Variants in CCSER1 observed in about 807,000 individuals in gnomAD.
CCSER1 encodes serine-rich coiled-coil domain-containing protein 1.
In CCSER1, 41 loss-of-function variants were observed where a neutral mutation model predicts 82.0. That is an observed-to-expected ratio of 0.50 (90% CI 0.39 to 0.65). CCSER1 has a LOEUF of 0.65. Among genes scored for constraint, CCSER1 ranks in the 30% least tolerant of loss-of-function variants. The pLI is 0.00. For missense variants in CCSER1, 1,119 were observed against 1,064.2 expected, an observed-to-expected ratio of 1.05 and a Z score of -0.72; for synonymous variants, 414 against 383.9, an observed-to-expected ratio of 1.08 and a Z score of -0.92.
intron 3 of CCSER1, among the ~76,000 whole-genome samples, chr4:90,349,288 G>T (rs777596571): frequency 6.6e-6 from 1 of 151,936 alleles, no homozygotes; most frequent in Non-Finnish European, 1.5e-5. Flanking sequence ...AGGTAAATAC[G>T]TGGCAAAATA....
intron 1 of CCSER1, among the ~76,000 whole-genome samples, chr4:90,168,684 T>G (rs1047718379): frequency 6.6e-6 from 1 of 152,058 alleles, no homozygotes; most frequent in Non-Finnish European, 1.5e-5. Flanking sequence ...AGTTTCAGCT[T>G]TCTACATATG....
intron 9 of CCSER1, among the ~76,000 whole-genome samples, chr4:90,999,888 T>C (rs1737845857): frequency 6.6e-6 from 1 of 151,424 alleles, no homozygotes; most frequent in South Asian, 2.1e-4. Context: ...GGTTTTTTTT[T>C]TTTTTTTCCC....
intron 10 of CCSER1, among the ~76,000 whole-genome samples, chr4:91,586,013 T>C (rs1421711109): frequency 6.6e-6 from 1 of 151,628 alleles, no homozygotes. Context: ...AAGATAATGG[T>C]GTTGAACTAG....
chr4:90,980,644 TA>T (rs1437264038), intron 9 of CCSER1, among the ~76,000 whole-genome samples: 1 of 151,638 alleles, frequency 6.6e-6, no homozygotes, highest in Admixed American at 6.6e-5. Flanking sequence ...GATTTGCTCT[TA>T]TTTTGTAATG....
At chr4:90,263,098 A>G (rs796827866) in intron 1 of CCSER1, among the ~76,000 whole-genome samples, 17 of 152,288 alleles carry the variant, frequency 1.1e-4, no homozygotes, top group African/African-American at 4.1e-4. Flanking sequence ...CACTGAGCCC[A>G]GTGCTGCAAT....
chr4:90,331,641 G>T (rs1739304373), intron 3 of CCSER1, among the ~76,000 whole-genome samples: 2 of 152,110 alleles, frequency 1.3e-5, no homozygotes, highest in South Asian at 4.1e-4. Context: ...CAATCAAATG[G>T]TGAACAGCCC....
At chr4:90,188,773 G>T (rs1735093793) in intron 1 of CCSER1, among the ~76,000 whole-genome samples, 1 of 151,812 alleles carries the variant, frequency 6.6e-6, no homozygotes, top group Non-Finnish European at 1.5e-5. Flanking sequence ...AAATAAATAT[G>T]AACATTTTCA....
chr4:90,840,007 A>C (rs976618935), intron 8 of CCSER1, among the ~76,000 whole-genome samples: 1 of 151,944 alleles, frequency 6.6e-6, no homozygotes, highest in Non-Finnish European at 1.5e-5. Flanking sequence ...TAATTATATA[A>C]ATATAATCAA....
At chr4:90,826,477 T>C (rs994903151) in intron 8 of CCSER1, among the ~76,000 whole-genome samples, 19 of 152,326 alleles carry the variant, frequency 1.2e-4, no homozygotes, top group African/African-American at 4.3e-4. Context: ...TAGGCTTACA[T>C]AATTTTAATA....
At chr4:91,111,044 G>GTATT (rs10667480) in intron 10 of CCSER1, among the ~76,000 whole-genome samples, 15,120 of 151,888 alleles carry the variant, frequency 0.1, 970 homozygotes, top group East Asian at 0.27. Context: ...AGAAAAATAA[G>GTATT]TATATAGCCT....
chr4:90,508,484 C>T (rs1002729868), intron 5 of CCSER1, among the ~76,000 whole-genome samples: 3 of 151,978 alleles, frequency 2.0e-5, no homozygotes, highest in African/African-American at 7.2e-5. Flanking sequence ...TTAAATTTTT[C>T]TCTACATAGG....
chr4:90,815,916 A>T, intron 8 of CCSER1, 71 bp downstream of exon 8: 1 of 908,992 alleles, frequency 1.1e-6, no homozygotes, highest in South Asian at 1.6e-5. Flanking sequence ...GCCCTTATTT[A>T]TTAACACCAA....
At chr4:91,440,013 A>T (rs1164638627) in intron 10 of CCSER1, among the ~76,000 whole-genome samples, 1 of 151,764 alleles carries the variant, frequency 6.6e-6, no homozygotes, top group Non-Finnish European at 1.5e-5. Flanking sequence ...CGCAATAATA[A>T]TGGGAGATTT....
intron 3 of CCSER1, among the ~76,000 whole-genome samples, chr4:90,359,377 A>T (rs1440126646): frequency 2.0e-5 from 3 of 152,162 alleles, no homozygotes; most frequent in African/African-American, 7.2e-5. Flanking sequence ...TCATTTATTT[A>T]TTTGCCAAAA....
In CCSER1 at chr4:90,673,071, A is replaced by G. The variant is rs1261295377; in HGVS notation, c.1932+44839A>G. Among the ~76,000 whole-genome samples the G allele has an allele frequency of 1.1e-4, 16 of 152,138 alleles. No individual in the cohort carries two copies. The East Asian group carries it at 3.1e-3, about 29-fold the overall frequency. The stretch of plus-strand genomic sequence containing the variant: ...TACCAAAATGTGACACAGAAACACA[A>G]AAGTGAGCATAAGTTATTGGAAAAA... On this transcript the variant is annotated intron_variant, in intron 6 of 10. Coordinates refer to ENST00000509176, the MANE Select transcript of CCSER1 (RefSeq NM_001145065.2).
chr4:90,683,620 T>A (rs540873041), intron 6 of CCSER1, among the ~76,000 whole-genome samples: 1 of 152,268 alleles, frequency 6.6e-6, no homozygotes, highest in East Asian at 1.9e-4. Context: ...TAAATTGATT[T>A]GGACCCAACA....
intron 5 of CCSER1, among the ~76,000 whole-genome samples, chr4:90,618,297 GACA>G (rs1182744562): frequency 6.6e-6 from 1 of 151,790 alleles, no homozygotes; most frequent in Non-Finnish European, 1.5e-5. Flanking sequence ...CAAATTACAG[GACA>G]ACAATTTTCT....
intron 10 of CCSER1, among the ~76,000 whole-genome samples, chr4:91,571,180 C>G (rs184851037): frequency 6.6e-6 from 1 of 152,188 alleles, no homozygotes; most frequent in Non-Finnish European, 1.5e-5. Context: ...CTAGGAAGAT[C>G]CAAACTTTGC....
intron 3 of CCSER1, among the ~76,000 whole-genome samples, chr4:90,381,570 G>T (rs921084260): frequency 1.3e-5 from 2 of 152,018 alleles, no homozygotes; most frequent in African/African-American, 4.8e-5. Flanking sequence ...ATACCATGGT[G>T]TACACAGTAT....
Sources: allele counts gnomAD v4.1 joint callset (sites outside exome capture counted in the v4.1 genomes callset), GRCh38; gene constraint gnomAD v4.1.1; transcripts MANE v1.5; gene names NCBI Gene and HGNC (gene_info 2026-07-23, HGNC 2026-07-21).